The following MYH13 variants were observed in gnomAD, a reference collection of about 807,000 sequenced individuals.
The protein encoded by MYH13 is myosin heavy chain 13.
Under a neutral mutation model 232.1 loss-of-function variants are expected in MYH13, and 177 were observed. The observed-to-expected ratio is 0.76, with a 90% CI of 0.67 to 0.86. MYH13 has a LOEUF of 0.86. Ranked by LOEUF, MYH13 falls within the 40% of genes least tolerant of loss-of-function variation. The pLI is 0.00. For missense variants in MYH13, 2,246 were observed against 2,405.9 expected (o/e 0.93, Z 1.39); for synonymous variants, 884 against 923.5 (o/e 0.96, Z 0.78).
At chr17:10,337,629 G>A (rs1399819775) in intron 18 of MYH13, among the ~76,000 whole-genome samples, 1 of 152,180 alleles carries the variant, frequency 6.6e-6, no homozygotes. Flanking sequence ...TTTCTAAGGT[G>A]TCACCAGGCT....
chr17:10,362,497 T>C lies in MYH13; in HGVS notation c.211A>G (p.Thr71Ala), dbSNP rs2071802550. ...GGGAAGACCTGGTCATTGTTCAGAG[T>C]GAGCATCTGGGTATTGAGAGGAAAA... ...IVKTLDDRML[T>A]LNNDQVFPMN... Residue 71 changes from threonine (T) to alanine (A), a missense_variant, in exon 4 of 41, where the codon ACT (threonine) becomes GCT (alanine). Physicochemically the swap from Thr to Ala is moderately conservative, Grantham distance 58. Coordinates refer to ENST00000252172, the MANE Select transcript of MYH13 (RefSeq NM_003802.3). 5 of 1,614,046 alleles carry C rather than the reference T, an allele frequency of 3.1e-6. No individual in the cohort carries two copies. In the East Asian group the frequency reaches 1.1e-4, roughly 36 times the overall value.
At position 10,327,876 on chromosome 17, in the gene MYH13, T is replaced by C; in HGVS notation, c.2681A>G (p.Gln894Arg). 6.2e-7 allele frequency: 1 copy of C among 1,612,734 alleles called. No homozygotes were observed. The highest frequency in any genetic ancestry group is 8.5e-7 in the Non-Finnish European group (1 of 1,179,588). ...GTAGAAGGTACTTACAGACTGGACCTGCAATTGGAGGTCATTCTTCTCCTG... is the reference window on the plus strand; with the variant it reads ...GTAGAAGGTACTTACAGACTGGACCCGCAATTGGAGGTCATTCTTCTCCTG... Reference protein sequence around the residue: ...LLQEKNDLQLQVQSETENLMD... With the variant: ...LLQEKNDLQLRVQSETENLMD... Residue 894 changes from glutamine to arginine, a missense_variant, in exon 22 of 41, where the codon CAG (glutamine) becomes CGG (arginine). Gln to Arg is a conservative substitution (Grantham distance 43). Transcript: ENST00000252172.
Position 10,362,420 on chromosome 17 carries a change from G to C in MYH13, c.288C>G (p.His96Gln), listed in dbSNP as rs1356256540. The change falls in exon 4 of 41, where the codon CAC (histidine) becomes CAG (glutamine). Residue 96 changes from histidine (H) to glutamine (Q), a missense_variant. Transcript: ENST00000252172. ...DKIEDMAMMT[H>Q]LHEPAVLYNL... is the part of the protein sequence containing the mutation. ...TGTACAGAACAGCAGGTTCATGCAG[G>C]TGAGTCATCATGGCCATGTCCTCGA... 1.1e-5 allele frequency: 17 copies of C among 1,614,216 alleles called. No homozygotes were observed. Among genetic ancestry groups the C allele is most frequent in the Non-Finnish European group, 1.4e-5 (16 of 1,180,046 alleles).
In MYH13 at chr17:10,340,389, C is replaced by T; in HGVS notation, c.1907G>A (p.Gly636Glu). 2 of 1,613,628 alleles carry T rather than the reference C, an allele frequency of 1.2e-6. No homozygotes were observed. Among genetic ancestry groups the T allele is most frequent in the Non-Finnish European group, 1.7e-6 (2 of 1,179,698 alleles). ...YAGAETGDSG[G>E]SKKGGKKKGS... ...CTTCTTCTTCCCGCCCTTCTTGCTTCCTCCGGAGTCGCCTGGAGACAGACA... is the reference window on the plus strand; with the variant it reads ...CTTCTTCTTCCCGCCCTTCTTGCTTTCTCCGGAGTCGCCTGGAGACAGACA... The change falls in exon 17 of 41, where the codon GGA becomes GAA. Residue 636 changes from glycine (G) to glutamate (E), a missense_variant. Gly to Glu is a moderately conservative substitution (Grantham distance 98). Coordinates refer to ENST00000252172, the MANE Select transcript of MYH13 (RefSeq NM_003802.3).
At chr17:10,355,386 C>G (rs1302529182) in intron 8 of MYH13, among the ~76,000 whole-genome samples, 1 of 152,190 alleles carries the variant, frequency 6.6e-6, no homozygotes, top group Non-Finnish European at 1.5e-5. Flanking sequence ...GATCTTGAGT[C>G]TAATCACTTA....
intron 5 of MYH13, 118 bp from the exon 6 acceptor site, chr17:10,360,306 C>T: frequency 3.4e-6 from 4 of 1,193,874 alleles, no homozygotes; most frequent in Non-Finnish European, 4.8e-6. Flanking sequence ...TGCCATTAAC[C>T]ACTGGTATGA....
chr17:10,306,776 C>T lies in MYH13; in HGVS notation c.5296-147G>A. ...TGCTGATTCCCCACAGCCTCCCCTC[C>T]CACTTTGCCACTGCTGAGACTGTAC... On this transcript the variant is annotated intron_variant, in intron 36 of 40. Coordinates refer to ENST00000252172, the MANE Select transcript of MYH13 (RefSeq NM_003802.3). The surrounding 1 kb of genome is among the most constrained non-coding windows in gnomAD (Gnocchi z 4.3). The T allele has an allele frequency of 6.6e-7, 1 of 1,514,696 alleles. No homozygotes were observed. Among genetic ancestry groups the T allele is most frequent in the African/African-American group, 1.4e-5 (1 of 72,656 alleles). 93.8% of individuals were successfully genotyped at this position (1,514,696 alleles called of 1,614,324 possible).
chr17:10,322,097 C>T (rs117884431), intron 23 of MYH13, among the ~76,000 whole-genome samples: 638 of 152,158 alleles, frequency 4.2e-3, no homozygotes, highest in Middle Eastern at 0.01. Context: ...TGAGGTCCTA[C>T]GCAAGAAAAT....
rs1449339745 is a variant in MYH13 at position 10,306,141 on chromosome 17, A to G, written c.5466+318T>C. Among the ~76,000 whole-genome samples, 1 of 152,050 alleles carries G rather than the reference A, an allele frequency of 6.6e-6. No homozygotes were observed. The highest frequency in any genetic ancestry group is 1.5e-5 in the Non-Finnish European group (1 of 68,006). ...TTTCCATGTATGTGCGTGCATCTGAATCTGCATAGCAAATGGAATGTGAAC... is the reference window on the plus strand; with the variant it reads ...TTTCCATGTATGTGCGTGCATCTGAGTCTGCATAGCAAATGGAATGTGAAC... On this transcript the variant is annotated intron_variant, in intron 37 of 40. Coordinates refer to ENST00000252172, the MANE Select transcript of MYH13 (RefSeq NM_003802.3). This position sits in a 1 kb window ranked among gnomAD's most constrained non-coding sequence, Gnocchi z 4.3.
In MYH13 at chr17:10,360,300, A is replaced by G. The variant is rs191769501; in HGVS notation, c.506-112T>C. On this transcript the variant is annotated intron_variant, in intron 5 of 40. Coordinates refer to ENST00000252172, the MANE Select transcript of MYH13 (RefSeq NM_003802.3). ...ATAGGCTCTAGTTAATGTCTTTGCCATTAACCACTGGTATGATTTGGGCAT... is the reference window on the plus strand; with the variant it reads ...ATAGGCTCTAGTTAATGTCTTTGCCGTTAACCACTGGTATGATTTGGGCAT... The G allele has an allele frequency of 3.4e-4, 427 of 1,242,508 alleles. 2 individuals carry two copies. In the African/African-American group the frequency reaches 5.7e-3, roughly 17 times the overall value. The allele number at this position is 1,242,508 out of a possible 1,614,324, so 77.0% of individuals were successfully genotyped here.
intron 13 of MYH13, among the ~76,000 whole-genome samples, chr17:10,346,169 G>A (rs528466452): frequency 6.2e-4 from 94 of 152,134 alleles, no homozygotes; most frequent in African/African-American, 2.1e-3. Context: ...TAACAACATG[G>A]TTATAGCACA....
rs753276812 is a variant in MYH13 at position 10,330,408 on chromosome 17, A to C, written c.2414T>G (p.Phe805Cys). 50 of 1,613,382 alleles carry C rather than the reference A, an allele frequency of 3.1e-5. No individual in the cohort carries two copies. The East Asian group carries it at 1.1e-3, about 35-fold the overall frequency. The change falls in exon 21 of 41, where the codon TTC (phenylalanine) becomes TGC (cysteine). Residue 805 changes from phenylalanine to cysteine, a missense_variant. By Grantham distance (205) the Phe-to-Cys change is radical. Coordinates refer to ENST00000252172, the MANE Select transcript of MYH13 (RefSeq NM_003802.3). Reference sequence around the variant, plus strand: ...TCACCTCCTCTCCATCATCTTCTTGAACTCCACCCGCATCAGGTACCCCCT... The same window carrying C: ...TCACCTCCTCTCCATCATCTTCTTGCACTCCACCCGCATCAGGTACCCCCT... ...VCRGYLMRVEFKKMMERRDSI... is the reference protein window; with the variant it reads ...VCRGYLMRVECKKMMERRDSI...
intron 8 of MYH13, among the ~76,000 whole-genome samples, chr17:10,357,399 G>A (rs950874548): frequency 1.3e-5 from 2 of 152,150 alleles, no homozygotes; most frequent in Non-Finnish European, 2.9e-5. Flanking sequence ...TGGCTTAATG[G>A]ACGTTAACAT....
chr17:10,332,947 G>T, intron 19 of MYH13, 127 bp downstream of exon 19: 1 of 776,356 alleles, frequency 1.3e-6, no homozygotes. Context: ...CCTCTAGCAA[G>T]AGATGAAGTC....
rs1906548683 is a variant in MYH13, at chr17:10,312,633, G to T, written c.4306C>A (p.Leu1436Met). The T allele has an allele frequency of 2.5e-6, 4 of 1,613,312 alleles. No individual in the cohort carries two copies. The African/African-American group carries it at 5.3e-5, about 22-fold the overall frequency. Residue 1436 changes from leucine to methionine, a missense_variant, in exon 31 of 41, where the codon CTG becomes ATG. Physicochemically the swap from Leu to Met is conservative, Grantham distance 15 (BLOSUM62 2). Coordinates refer to ENST00000252172, the MANE Select transcript of MYH13 (RefSeq NM_003802.3). ...GCACAGGCGGTGTGGGAGCGCTCCA[G>T]ATCCCGCATCAGATCCTCCACCTCT... Reference protein sequence around the residue: ...QGEVEDLMRDLERSHTACATL... With the variant: ...QGEVEDLMRDMERSHTACATL...
chr17:10,323,068 C>T (rs1203478926), intron 23 of MYH13, among the ~76,000 whole-genome samples: 2 of 152,112 alleles, frequency 1.3e-5, no homozygotes, highest in East Asian at 3.9e-4. Flanking sequence ...CTCCGTTTTC[C>T]CCGTGGTGGA....
At chr17:10,354,619 T>C in intron 11 of MYH13, 61 bp downstream of exon 11, 1 of 1,458,862 alleles carries the variant, frequency 6.9e-7, no homozygotes, top group Non-Finnish European at 9.6e-7. Flanking sequence ...CACTAACGTG[T>C]CTCTCAGTTC....
Position 10,360,009 on chromosome 17 carries a change from A to G in MYH13, c.596T>C (p.Ile199Thr). 6.2e-7 allele frequency: 1 copy of G among 1,614,052 alleles called. No individual in the cohort carries two copies. Among genetic ancestry groups the G allele is most frequent in the Non-Finnish European group, 8.5e-7 (1 of 1,180,006 alleles). ...CTTCTTCTTGTCCCCGGTAACTGCAATTGTTGCAAAATACTGGATGACACG... is the reference window on the plus strand; with the variant it reads ...CTTCTTCTTGTCCCCGGTAACTGCAGTTGTTGCAAAATACTGGATGACACG... ...TKRVIQYFAT[I>T]AVTGDKKKET... The change falls in exon 7 of 41, where the codon ATT becomes ACT. Residue 199 changes from isoleucine to threonine, a missense_variant. Coordinates refer to ENST00000252172, the MANE Select transcript of MYH13 (RefSeq NM_003802.3).
chr17:10,338,585 C>T (rs2071593789), intron 18 of MYH13, among the ~76,000 whole-genome samples: 1 of 151,916 alleles, frequency 6.6e-6, no homozygotes, highest in African/African-American at 2.4e-5. Context: ...TCACGACAAC[C>T]CTCTAAGGTG....
Sources: gnomAD v4.1 joint callset for allele counts (sites outside exome capture counted in the v4.1 genomes callset) on GRCh38, gnomAD v4.1.1 for gene constraint, Gnocchi (gnomAD v3.1) non-coding constraint, MANE v1.5 for transcripts, NCBI Gene and HGNC (gene_info 2026-07-23, HGNC 2026-07-21) for gene names.